The following RBL1 variants were observed in gnomAD, a reference collection of about 807,000 sequenced individuals.
RBL1 encodes the protein RB transcriptional corepressor like 1, also known as retinoblastoma-like protein 1.
A neutral mutation model predicts 123.0 loss-of-function variants in RBL1; 82 were observed. The ratio of observed to expected loss-of-function variants is 0.67; its 90% confidence interval spans 0.56 to 0.80. RBL1 has a LOEUF of 0.80. Ranked by LOEUF, RBL1 falls within the 30% of genes least tolerant of loss-of-function variation. The probability of loss-of-function intolerance (pLI) is 0.00; values close to 1 mark genes in which losing one functional copy is unlikely to be tolerated. For synonymous variants in RBL1, 405 were observed against 441.3 expected (o/e 0.92, Z 1.03); for missense variants, 1,171 against 1,299.6 (o/e 0.90, Z 1.52).
intron 2 of RBL1, among the ~76,000 whole-genome samples, chr20:37,086,152 A>AATG (rs11472574): frequency 0.014 from 2,088 of 152,322 alleles, 55 homozygotes; most frequent in African/African-American, 0.048. Flanking sequence ...TTATATGAAC[A>AATG]ATGACAAACA....
intron 2 of RBL1, among the ~76,000 whole-genome samples, chr20:37,069,458 G>A (rs1322164648): frequency 2.0e-5 from 3 of 148,358 alleles, no homozygotes; most frequent in African/African-American, 5.0e-5. Context: ...GCCGCCCATC[G>A]TCTGAGATGT....
At chr20:37,070,390 C>T (rs907789392) in intron 2 of RBL1, among the ~76,000 whole-genome samples, 1 of 152,192 alleles carries the variant, frequency 6.6e-6, no homozygotes, top group African/African-American at 2.4e-5. Context: ...ACTTGTTTAT[C>T]TGCTGACCTT....
intron 11 of RBL1, among the ~76,000 whole-genome samples, chr20:37,048,999 C>T (rs535222684): frequency 2.7e-5 from 4 of 150,822 alleles, no homozygotes; most frequent in Non-Finnish European, 5.9e-5. Context: ...GTCAGGAGTT[C>T]GAGACCAGCT....
At chr20:37,016,202 A>AT (rs1229614129) in intron 19 of RBL1, among the ~76,000 whole-genome samples, 1 of 150,432 alleles carries the variant, frequency 6.6e-6, no homozygotes, top group East Asian at 2.0e-4. Context: ...TAATTTTTGT[A>AT]TTTTTAGTAG....
chr20:37,057,429 T>C (rs2146288197), intron 9 of RBL1, among the ~76,000 whole-genome samples: 1 of 152,232 alleles, frequency 6.6e-6, no homozygotes, highest in African/African-American at 2.4e-5. Context: ...TATTATCTCA[T>C]TGTGATTTTG....
chr20:37,000,760 G>A (rs1396440582), intron 21 of RBL1, among the ~76,000 whole-genome samples: 3 of 140,718 alleles, frequency 2.1e-5, no homozygotes, highest in Non-Finnish European at 4.7e-5. Context: ...GCCCCGTCCA[G>A]GAGGGAGGCG....
intron 1 of RBL1, among the ~76,000 whole-genome samples, chr20:37,091,726 T>C (rs2065649757): frequency 6.6e-6 from 1 of 151,974 alleles, no homozygotes; most frequent in Non-Finnish European, 1.5e-5. Context: ...ATAGTGTTCT[T>C]ATACACTGTT....
chr20:37,034,902 A>G (rs534236942), intron 15 of RBL1, among the ~76,000 whole-genome samples: 1 of 152,282 alleles, frequency 6.6e-6, no homozygotes, highest in East Asian at 1.9e-4. Flanking sequence ...CTATTCACCA[A>G]GAGTGAACCC....
intron 12 of RBL1, 97 bp from the exon 13 acceptor site, chr20:37,044,347 CT>C (rs1202682953): frequency 8.5e-5 from 99 of 1,160,398 alleles, no homozygotes; most frequent in South Asian, 1.3e-4. Flanking sequence ...TCTTCTTCTT[CT>C]TTTTTTTGAG....
At chr20:37,071,991 G>A (rs1408336309) in intron 2 of RBL1, among the ~76,000 whole-genome samples, 3 of 152,052 alleles carry the variant, frequency 2.0e-5, no homozygotes, top group African/African-American at 7.2e-5. Context: ...CCAACCTCAG[G>A]TATTCCTTCA....
At chr20:37,085,503 ACGTGTGTGTG>A (rs1162250271) in intron 2 of RBL1, among the ~76,000 whole-genome samples, 2 of 152,106 alleles carry the variant, frequency 1.3e-5, no homozygotes, top group African/African-American at 2.4e-5. Context: ...ATTTGTGTGT[ACGTGTGTGTG>A]CGTGGTAAAA....
chr20:37,001,053 C>T lies in RBL1; in HGVS notation c.3037-2124G>A, dbSNP rs1203503917. 2.8e-5 allele frequency among the ~76,000 whole-genome samples: 4 copies of T among 144,782 alleles called. No individual in the cohort carries two copies. In the East Asian group the frequency reaches 6.4e-4, roughly 23 times the overall value. The allele number at this position is 144,782 out of a possible 152,430, so 95.0% of individuals were successfully genotyped here. A position where few individuals can be genotyped will look rare whatever the true frequency, so the allele number is the denominator to read the frequency against. On this transcript the variant is annotated intron_variant, in intron 21 of 21. Transcript: ENST00000373664. ...GGGGTCAGCCCCCCACCCGGCCAGCCGCCCCATCCGGGAGGGAGGCGGGGA... is the reference window on the plus strand; with the variant it reads ...GGGGTCAGCCCCCCACCCGGCCAGCTGCCCCATCCGGGAGGGAGGCGGGGA...
intron 17 of RBL1, 127 bp from the exon 18 acceptor site, chr20:37,020,857 T>C (rs1478759360): frequency 9.9e-6 from 6 of 605,848 alleles, no homozygotes; most frequent in Non-Finnish European, 1.7e-5. Flanking sequence ...GGCCAGTCCA[T>C]GACTAAAAAC....
intron 11 of RBL1, among the ~76,000 whole-genome samples, chr20:37,051,160 G>A (rs1181854615): frequency 1.3e-5 from 2 of 151,532 alleles, no homozygotes; most frequent in Non-Finnish European, 2.9e-5. Flanking sequence ...CAATCCTCAT[G>A]CCTCAGCCTC....
At chr20:37,094,096 T>C (rs879869471) in intron 1 of RBL1, among the ~76,000 whole-genome samples, 2 of 152,234 alleles carry the variant, frequency 1.3e-5, no homozygotes, top group Admixed American at 1.3e-4. Flanking sequence ...GCAGAGGGAA[T>C]GGCATGGATA....
At chr20:37,014,884 A>G (rs1470481928) in intron 19 of RBL1, among the ~76,000 whole-genome samples, 1 of 151,926 alleles carries the variant, frequency 6.6e-6, no homozygotes, top group Non-Finnish European at 1.5e-5. Flanking sequence ...CCAACATAGC[A>G]AAACCCCATC....
intron 11 of RBL1, chr20:37,049,689 C>A: frequency 1.4e-6 from 1 of 738,598 alleles, no homozygotes; most frequent in Non-Finnish European, 2.5e-6. Flanking sequence ...ACTGCTTCAA[C>A]AAACCAGAAG....
chr20:37,082,513 A>C (rs969568868), intron 2 of RBL1, among the ~76,000 whole-genome samples: 12 of 150,062 alleles, frequency 8.0e-5, no homozygotes, highest in East Asian at 2.0e-4. Flanking sequence ...CTCTCTCTCT[A>C]GAGTTTACCC....
intron 18 of RBL1, 119 bp downstream of exon 18, chr20:37,020,540 C>T (rs2064325689): frequency 1.4e-6 from 1 of 713,516 alleles, no homozygotes; most frequent in Non-Finnish European, 2.3e-6. Context: ...TAATGTTATC[C>T]ATTAAAACAG....
Sources: allele counts gnomAD v4.1 joint callset (sites outside exome capture counted in the v4.1 genomes callset), GRCh38; gene constraint gnomAD v4.1.1; transcripts MANE v1.5; gene names NCBI Gene and HGNC (gene_info 2026-07-23, HGNC 2026-07-21).